Variants in ZNF521 observed in about 807,000 individuals in gnomAD.
ZNF521 encodes the protein zinc finger protein 521, also known as LYST-interacting protein 3.
A neutral mutation model predicts 105.5 loss-of-function variants in ZNF521; 14 were observed. That is an observed-to-expected ratio of 0.13 (90% confidence interval 0.09 to 0.21). The LOEUF (loss-of-function observed/expected upper bound fraction) is 0.21, where lower values mean the gene tolerates loss of function less well. ZNF521 is among the 10% of genes least tolerant of loss of function. The pLI is 1.00. For missense variants in ZNF521, 1,233 were observed against 1,629.7 expected (o/e 0.76, Z 4.19); for synonymous variants, 635 against 606.0 (o/e 1.05, Z -0.70).
chr18:25,072,563 G>A (rs1166888582), intron 7 of ZNF521, among the ~76,000 whole-genome samples: 5 of 152,116 alleles, frequency 3.3e-5, no homozygotes, highest in Admixed American at 6.5e-5. Flanking sequence ...AAGAACAGGC[G>A]AAAAAGAGCA....
intron 3 of ZNF521, among the ~76,000 whole-genome samples, chr18:25,237,558 G>C (rs1906998071): frequency 6.6e-6 from 1 of 151,914 alleles, no homozygotes; most frequent in Admixed American, 6.5e-5. Context: ...ATCTTACTTT[G>C]CCTCCATCCA....
chr18:25,062,495 C>T lies in ZNF521; in HGVS notation c.*217G>A, dbSNP rs543148034. 46 of 539,540 alleles carry T rather than the reference C, an allele frequency of 8.5e-5. No homozygotes were observed. In the East Asian group the frequency reaches 8.5e-4, roughly 10 times the overall value. The allele number at this position is 539,540 out of a possible 1,614,324, so 33.4% of individuals were successfully genotyped here. ...TTTATAAGACCATTTTAGTATCAGACGACATAATACATGTGCAACACTTTA... is the reference window on the plus strand; with the variant it reads ...TTTATAAGACCATTTTAGTATCAGATGACATAATACATGTGCAACACTTTA... On this transcript the variant is annotated 3_prime_UTR_variant, in exon 8 of 8. Coordinates refer to ENST00000361524, the MANE Select transcript of ZNF521 (RefSeq NM_015461.3).
intron 3 of ZNF521, among the ~76,000 whole-genome samples, chr18:25,309,231 T>C (rs1398926478): frequency 2.0e-5 from 3 of 152,162 alleles, no homozygotes; most frequent in Non-Finnish European, 4.4e-5. Flanking sequence ...AGTGACAAAA[T>C]AGTATCAATA....
At chr18:25,255,872 A>C (rs995566841) in intron 3 of ZNF521, among the ~76,000 whole-genome samples, 1 of 151,836 alleles carries the variant, frequency 6.6e-6, no homozygotes, top group African/African-American at 2.4e-5. Flanking sequence ...CAGAAGAACC[A>C]AGAGGCAGAA....
At chr18:25,217,647 A>G (rs1020242636) in intron 4 of ZNF521, among the ~76,000 whole-genome samples, 7 of 152,220 alleles carry the variant, frequency 4.6e-5, no homozygotes, top group African/African-American at 2.4e-5. Flanking sequence ...TTCAAGCTCC[A>G]TGGCATGATA....
intron 5 of ZNF521, among the ~76,000 whole-genome samples, chr18:25,185,539 G>A (rs2035706598): frequency 6.6e-6 from 1 of 152,108 alleles, no homozygotes; most frequent in Non-Finnish European, 1.5e-5. Context: ...GGACCCCAAG[G>A]TGTAGTTGTC....
intron 5 of ZNF521, among the ~76,000 whole-genome samples, chr18:25,114,916 C>A (rs111640621): frequency 1.9e-3 from 289 of 152,308 alleles, no homozygotes; most frequent in African/African-American, 6.6e-3. Context: ...AATGTATGTG[C>A]AACGTAGTTT....
At chr18:25,164,319 G>C (rs989965346) in intron 5 of ZNF521, among the ~76,000 whole-genome samples, 9 of 152,128 alleles carry the variant, frequency 5.9e-5, no homozygotes, top group Non-Finnish European at 1.3e-4. Flanking sequence ...CAGGGCAGGA[G>C]AGCCAACCCC....
intron 4 of ZNF521, among the ~76,000 whole-genome samples, chr18:25,204,822 C>T (rs1008102127): frequency 1.3e-5 from 2 of 152,044 alleles, no homozygotes; most frequent in Non-Finnish European, 2.9e-5. Flanking sequence ...TGAGACCTTC[C>T]AAATAAGGTA....
chr18:25,120,819 G>C (rs539513087), intron 5 of ZNF521, among the ~76,000 whole-genome samples: 1 of 152,156 alleles, frequency 6.6e-6, no homozygotes, highest in African/African-American at 2.4e-5. Flanking sequence ...AAATACCTTG[G>C]CTCCCTTCTT....
chr18:25,324,879 C>T (rs1386564873), intron 2 of ZNF521, among the ~76,000 whole-genome samples: 3 of 152,202 alleles, frequency 2.0e-5, no homozygotes, highest in Non-Finnish European at 4.4e-5. Flanking sequence ...GACCCCAGTC[C>T]ATGCTTCCAA....
chr18:25,144,779 A>G (rs1383848615), intron 5 of ZNF521, among the ~76,000 whole-genome samples: 1 of 152,228 alleles, frequency 6.6e-6, no homozygotes, highest in Non-Finnish European at 1.5e-5. Context: ...ACATTTTTAA[A>G]GTTAGCCTTT....
intron 4 of ZNF521, among the ~76,000 whole-genome samples, chr18:25,208,398 C>A (rs190029689): frequency 6.6e-6 from 1 of 152,094 alleles, no homozygotes. Context: ...AAAATAATAT[C>A]AATCTAGAAA....
chr18:25,199,037 AGT>A (rs1014805837), intron 4 of ZNF521, among the ~76,000 whole-genome samples: 1 of 152,004 alleles, frequency 6.6e-6, no homozygotes, highest in Non-Finnish European at 1.5e-5. Flanking sequence ...TGCAATATGA[AGT>A]ATACATCACC....
At position 25,223,862 on chromosome 18, in the gene ZNF521, C is replaced by T. The variant is rs368922538; in HGVS notation, c.3573+483G>A. Among the ~76,000 whole-genome samples, 13 of 152,122 alleles carry T rather than the reference C, an allele frequency of 8.5e-5. No individual in the cohort carries two copies. In the East Asian group the frequency reaches 1.2e-3, roughly 14 times the overall value. On this transcript the variant is annotated intron_variant, in intron 4 of 7. Coordinates refer to ENST00000361524, the MANE Select transcript of ZNF521 (RefSeq NM_015461.3). The stretch of plus-strand genomic sequence containing the variant: ...TCTCTACCCAGAAGACAAAGAAAAA[C>T]AGTGAGTGTTGACAACATGGCATTA...
chr18:25,177,416 T>C (rs1490127926), intron 5 of ZNF521, among the ~76,000 whole-genome samples: 1 of 152,154 alleles, frequency 6.6e-6, no homozygotes, highest in Non-Finnish European at 1.5e-5. Context: ...CAAAGAAAAC[T>C]TGAGTAGGAA....
At chr18:25,175,298 G>A (rs550357841) in intron 5 of ZNF521, among the ~76,000 whole-genome samples, 15 of 152,302 alleles carry the variant, frequency 9.8e-5, no homozygotes, top group East Asian at 3.9e-4. Flanking sequence ...GGGGGTCAGG[G>A]AAGTAATAAG....
intron 2 of ZNF521, among the ~76,000 whole-genome samples, chr18:25,350,516 A>G (rs943829185): frequency 2.0e-5 from 3 of 152,106 alleles, no homozygotes; most frequent in South Asian, 4.1e-4. Flanking sequence ...ACGGTTTTGC[A>G]TATTTATTCT....
chr18:25,097,086 T>C (rs1567960067), intron 5 of ZNF521, among the ~76,000 whole-genome samples: 2 of 152,218 alleles, frequency 1.3e-5, no homozygotes, highest in South Asian at 4.2e-4. Context: ...CACACATTTA[T>C]AAGCTAGGGG....
Sources: allele counts gnomAD v4.1 joint callset (sites outside exome capture counted in the v4.1 genomes callset), GRCh38; gene constraint gnomAD v4.1.1; transcripts MANE v1.5; gene names NCBI Gene and HGNC (gene_info 2026-07-23, HGNC 2026-07-21).